The following OPCML variants were observed in gnomAD, a reference collection of about 807,000 sequenced individuals.
OPCML encodes the protein opioid-binding protein/cell adhesion molecule.
In OPCML, 13 loss-of-function variants were observed where a neutral mutation model predicts 37.8. The ratio of observed to expected loss-of-function variants is 0.34; its 90% CI spans 0.22 to 0.55. OPCML has a LOEUF of 0.55. OPCML is among the 20% of genes least tolerant of loss of function. OPCML has a pLI of 0.91. For missense variants in OPCML, 341 were observed against 435.6 expected (o/e 0.78, Z 1.93); for synonymous variants, 176 against 168.8 (o/e 1.04, Z -0.33).
chr11:132,508,331 A>C (rs1332801399), intron 4 of OPCML, among the ~76,000 whole-genome samples: 1 of 152,238 alleles, frequency 6.6e-6, no homozygotes, highest in Non-Finnish European at 1.5e-5. Context: ...TGACAAAGTT[A>C]ATCAACTAAT....
At chr11:132,627,385 G>A (rs1200493216) in intron 3 of OPCML, among the ~76,000 whole-genome samples, 1 of 152,150 alleles carries the variant, frequency 6.6e-6, no homozygotes, top group East Asian at 1.9e-4. Flanking sequence ...CTAATGTTAA[G>A]TATTAATGCT....
chr11:133,183,986 C>A (rs1421230456), intron 1 of OPCML, among the ~76,000 whole-genome samples: 1 of 152,132 alleles, frequency 6.6e-6, no homozygotes, highest in Non-Finnish European at 1.5e-5. Flanking sequence ...CAGCACACAC[C>A]CATTACCATG....
chr11:133,299,214 A>G (rs1363630042), intron 1 of OPCML: 1 of 152,224 alleles, frequency 6.6e-6, no homozygotes, highest in Non-Finnish European at 1.5e-5. Flanking sequence ...GTAACACTCC[A>G]TGAAACTTAA....
chr11:133,123,788 G>A (rs1328679926), intron 1 of OPCML, among the ~76,000 whole-genome samples: 1 of 152,106 alleles, frequency 6.6e-6, no homozygotes, highest in Non-Finnish European at 1.5e-5. Context: ...GCTTTAAGGG[G>A]TTATGGGGTT....
At chr11:132,759,434 C>T (rs3019854) in intron 2 of OPCML, among the ~76,000 whole-genome samples, 51,349 of 151,820 alleles carry the variant, frequency 0.34, 9,163 homozygotes, top group Middle Eastern at 0.45. Context: ...TGGTCCTGGG[C>T]TTTTTTTGGT....
intron 1 of OPCML, among the ~76,000 whole-genome samples, chr11:133,417,638 C>T (rs1168344794): frequency 2.6e-5 from 4 of 151,482 alleles, no homozygotes; most frequent in African/African-American, 7.3e-5. Context: ...TCCCCACTCC[C>T]CCGACCCCAC....
chr11:133,315,577 T>G (rs1217005026), intron 1 of OPCML, among the ~76,000 whole-genome samples: 1 of 152,194 alleles, frequency 6.6e-6, no homozygotes, highest in Non-Finnish European at 1.5e-5. Context: ...AGCGGGTGGA[T>G]TACTTGAGGT....
chr11:132,461,840 C>G (rs1042448368), intron 4 of OPCML, among the ~76,000 whole-genome samples: 5 of 152,074 alleles, frequency 3.3e-5, no homozygotes, highest in Non-Finnish European at 5.9e-5. Flanking sequence ...GGGGAAAAGC[C>G]CCTTATAAAA....
intron 1 of OPCML, among the ~76,000 whole-genome samples, chr11:133,199,882 T>TAA (rs1938695687): frequency 6.6e-6 from 1 of 152,140 alleles, no homozygotes; most frequent in South Asian, 2.1e-4. Context: ...TCATACTTAG[T>TAA]AAAACTCTAA....
chr11:132,993,131 T>C (rs1183987562), intron 1 of OPCML, among the ~76,000 whole-genome samples: 1 of 152,174 alleles, frequency 6.6e-6, no homozygotes, highest in Non-Finnish European at 1.5e-5. Flanking sequence ...GCATGCACGT[T>C]ACCATAGCAA....
At chr11:132,684,090 T>C (rs1235678511) in intron 2 of OPCML, among the ~76,000 whole-genome samples, 2 of 150,736 alleles carry the variant, frequency 1.3e-5, no homozygotes, top group Non-Finnish European at 3.0e-5. Flanking sequence ...CAAATAAAGA[T>C]GAGCAGTTCT....
intron 1 of OPCML, among the ~76,000 whole-genome samples, chr11:133,347,950 TG>T (rs1247504948): frequency 2.0e-5 from 3 of 152,134 alleles, no homozygotes; most frequent in African/African-American, 7.2e-5. Flanking sequence ...GTGGAGGATA[TG>T]ACAATCCATA....
chr11:132,907,085 A>G (rs1944267364), intron 2 of OPCML, among the ~76,000 whole-genome samples: 1 of 152,174 alleles, frequency 6.6e-6, no homozygotes, highest in Non-Finnish European at 1.5e-5. Flanking sequence ...CTTACAATTC[A>G]CAGCCCTCTA....
chr11:133,303,852 G>A (rs1288684542), intron 1 of OPCML, among the ~76,000 whole-genome samples: 1 of 152,158 alleles, frequency 6.6e-6, no homozygotes, highest in Non-Finnish European at 1.5e-5. Flanking sequence ...TAGGGCAAAT[G>A]ATGCACACAC....
At chr11:132,609,984 TCA>T (rs138543073) in intron 3 of OPCML, among the ~76,000 whole-genome samples, 19,601 of 151,946 alleles carry the variant, frequency 0.13, 1,845 homozygotes, top group East Asian at 0.44. Context: ...CTAATAACCA[TCA>T]CACACACACA....
At chr11:132,555,329 A>G (rs150661918) in intron 3 of OPCML, among the ~76,000 whole-genome samples, 1,815 of 152,272 alleles carry the variant, frequency 0.012, 10 homozygotes, top group Non-Finnish European at 0.013. Context: ...CTTACACGGC[A>G]GCAGGTGAGA....
At chr11:133,496,812 G>C (rs750798103) in intron 1 of OPCML, among the ~76,000 whole-genome samples, 4 of 152,276 alleles carry the variant, frequency 2.6e-5, no homozygotes, top group Non-Finnish European at 5.9e-5. Flanking sequence ...GGAGTCCTTA[G>C]GGTTTTCAAG....
intron 7 of OPCML, among the ~76,000 whole-genome samples, chr11:132,422,669 T>C (rs958615315): frequency 6.6e-6 from 1 of 152,248 alleles, no homozygotes; most frequent in Non-Finnish European, 1.5e-5. Flanking sequence ...GCTACTGTCA[T>C]TCCCACTTTG....
intron 4 of OPCML, 100 bp from the exon 5 acceptor site, chr11:132,437,459 G>T (rs2096017129): frequency 6.5e-7 from 1 of 1,536,662 alleles, no homozygotes; most frequent in East Asian, 2.4e-5. Context: ...AAGAGAAAAA[G>T]CCATCAGAAT....
Sources: gnomAD v4.1 joint callset for allele counts (sites outside exome capture counted in the v4.1 genomes callset) on GRCh38, gnomAD v4.1.1 for gene constraint, MANE v1.5 for transcripts, NCBI Gene and HGNC (gene_info 2026-07-23, HGNC 2026-07-21) for gene names.